Variants in PARD3 observed in about 807,000 individuals in gnomAD.
PARD3 encodes the protein par-3 family cell polarity regulator.
A neutral mutation model predicts 155.4 loss-of-function variants in PARD3; 75 were observed. The observed-to-expected ratio is 0.48, with a 90% CI of 0.40 to 0.58. The LOEUF (loss-of-function observed/expected upper bound fraction) is 0.58. Among genes scored for constraint, PARD3 ranks in the 20% least tolerant of loss-of-function variants. The pLI is 0.00. For missense variants in PARD3, 1,642 were observed against 1,721.7 expected, an observed-to-expected ratio of 0.95 and a Z score of 0.82; for synonymous variants, 576 against 610.5, an observed-to-expected ratio of 0.94 and a Z score of 0.83.
At chr10:34,681,734 A>T (rs1195977052) in intron 2 of PARD3, among the ~76,000 whole-genome samples, 3 of 10,290 alleles carry the variant, frequency 2.9e-4, no homozygotes, top group South Asian at 7.8e-3. Context: ...TGTATTTTAT[A>T]TATATATATA....
chr10:34,741,715 A>G (rs1354640151), intron 1 of PARD3, among the ~76,000 whole-genome samples: 3 of 152,148 alleles, frequency 2.0e-5, no homozygotes, highest in Non-Finnish European at 4.4e-5. Context: ...GGAGCAGATG[A>G]TCCTGGGATC....
intron 2 of PARD3, among the ~76,000 whole-genome samples, chr10:34,596,273 C>T (rs2089246478): frequency 6.6e-6 from 1 of 151,716 alleles, no homozygotes; most frequent in Non-Finnish European, 1.5e-5. Context: ...ACTTAGTTGA[C>T]CATACCTGCA....
Position 34,231,207 on chromosome 10 carries a change from A to G in PARD3, c.3419+38450T>C, listed in dbSNP as rs372833365. 1.8e-3 allele frequency among the ~76,000 whole-genome samples: 264 copies of G among 149,142 alleles called. 6 individuals carry two copies. The highest frequency in any genetic ancestry group is 5.9e-3 in the African/African-American group (240 of 40,524). Reference sequence around the variant, plus strand: ...ATACTCTATTCTTACAGGAAAAAATATATACATGAGATATTTTTTCCTTTT... The same window carrying G: ...ATACTCTATTCTTACAGGAAAAAATGTATACATGAGATATTTTTTCCTTTT... On this transcript the variant is annotated intron_variant, in intron 22 of 24. Transcript: ENST00000374788.
intron 1 of PARD3, among the ~76,000 whole-genome samples, chr10:34,772,697 G>A (rs1370665759): frequency 2.0e-5 from 3 of 151,006 alleles, no homozygotes; most frequent in Admixed American, 1.3e-4. Flanking sequence ...GGGAGGCTGA[G>A]GCAGGAGAAT....
intron 22 of PARD3, among the ~76,000 whole-genome samples, chr10:34,148,511 A>T (rs1270125690): frequency 6.6e-6 from 1 of 152,030 alleles, no homozygotes; most frequent in Non-Finnish European, 1.5e-5. Context: ...TCACCACAAC[A>T]TTGTTTCTAT....
intron 2 of PARD3, among the ~76,000 whole-genome samples, chr10:34,673,952 T>C (rs1283446653): frequency 7.0e-6 from 1 of 142,494 alleles, no homozygotes; most frequent in African/African-American, 2.6e-5. Context: ...GCCACTGCAC[T>C]CCAGCATGGA....
At chr10:34,361,888 TAC>T (rs1481221598) in intron 12 of PARD3, among the ~76,000 whole-genome samples, 1 of 151,866 alleles carries the variant, frequency 6.6e-6, no homozygotes, top group African/African-American at 2.4e-5. Flanking sequence ...TCTGAAAAAA[TAC>T]AGAGTAATAG....
chr10:34,269,608 G>A (rs1344897291), intron 22 of PARD3, 49 bp downstream of exon 22: 3 of 1,601,206 alleles, frequency 1.9e-6, no homozygotes, highest in Middle Eastern at 1.9e-4. Flanking sequence ...GTCAGAAGCT[G>A]TATAAAAGCT....
chr10:34,417,309 G>T (rs531680146), intron 5 of PARD3, among the ~76,000 whole-genome samples: 2 of 152,120 alleles, frequency 1.3e-5, no homozygotes, highest in Non-Finnish European at 2.9e-5. Flanking sequence ...CAGTATTCAG[G>T]TAAGAATGAA....
At chr10:34,738,909 A>G (rs963381170) in intron 1 of PARD3, among the ~76,000 whole-genome samples, 7 of 152,258 alleles carry the variant, frequency 4.6e-5, no homozygotes, top group African/African-American at 1.7e-4. Flanking sequence ...AGCACATTGT[A>G]GCATAAAACA....
intron 3 of PARD3, among the ~76,000 whole-genome samples, chr10:34,502,827 G>C (rs1300814789): frequency 6.6e-6 from 1 of 152,150 alleles, no homozygotes; most frequent in Non-Finnish European, 1.5e-5. Flanking sequence ...GAGAAGGACA[G>C]ATCTTAGACA....
intron 2 of PARD3, among the ~76,000 whole-genome samples, chr10:34,579,544 A>C (rs2087212655): frequency 1.0e-5 from 1 of 97,130 alleles, no homozygotes; most frequent in East Asian, 3.7e-4. Flanking sequence ...AATAAAAGCT[A>C]CCATTTTCTC....
At chr10:34,224,831 T>C (rs972459998) in intron 22 of PARD3, among the ~76,000 whole-genome samples, 1 of 152,164 alleles carries the variant, frequency 6.6e-6, no homozygotes, top group African/African-American at 2.4e-5. Context: ...ATCATCCTGT[T>C]CAAGTTCCAT....
chr10:34,650,315 C>T lies in PARD3; in HGVS notation c.222+46003G>A, dbSNP rs1281798119. ...ACTGCACTGCAGGTCGACACTACGA[C>T]GTCACTAGACAATAGGAACTTCTCA... On this transcript the variant is annotated intron_variant, in intron 2 of 24. Coordinates refer to ENST00000374788, the MANE Select transcript of PARD3 (RefSeq NM_001184785.2). Among the ~76,000 whole-genome samples the T allele has an allele frequency of 3.9e-5, 6 of 152,324 alleles. No individual in the cohort carries two copies. The East Asian group carries it at 9.6e-4, about 24-fold the overall frequency.
intron 1 of PARD3, among the ~76,000 whole-genome samples, chr10:34,724,004 A>G (rs2094654266): frequency 6.6e-6 from 1 of 152,210 alleles, no homozygotes; most frequent in African/African-American, 2.4e-5. Flanking sequence ...GCACTCAACG[A>G]GCACAAGCTT....
chr10:34,692,745 G>T (rs961536486), intron 2 of PARD3, among the ~76,000 whole-genome samples: 8 of 152,128 alleles, frequency 5.3e-5, no homozygotes, highest in African/African-American at 1.9e-4. Flanking sequence ...ATGGTGGCGG[G>T]CACCTGTAAT....
intron 6 of PARD3, among the ~76,000 whole-genome samples, chr10:34,400,803 T>C (rs765916748): frequency 2.7e-5 from 4 of 150,918 alleles, no homozygotes; most frequent in Non-Finnish European, 5.9e-5. Context: ...TACTGCCAAA[T>C]GGTTAAATGG....
At chr10:34,399,080 G>A (rs919932497) in intron 7 of PARD3, among the ~76,000 whole-genome samples, 5 of 152,118 alleles carry the variant, frequency 3.3e-5, no homozygotes, top group African/African-American at 1.2e-4. Context: ...GTTTGCTTGA[G>A]TGTGATGAAC....
intron 22 of PARD3, among the ~76,000 whole-genome samples, chr10:34,224,547 G>A (rs114532294): frequency 0.018 from 2,688 of 152,288 alleles, 85 homozygotes; most frequent in African/African-American, 0.06. Context: ...AAACTCCAGT[G>A]CAGCAAATTT....
Sources: allele counts gnomAD v4.1 joint callset (sites outside exome capture counted in the v4.1 genomes callset), GRCh38; gene constraint gnomAD v4.1.1; transcripts MANE v1.5; gene names NCBI Gene and HGNC (gene_info 2026-07-23, HGNC 2026-07-21).